SPATS2L: variants seen among roughly 807,000 people sequenced by gnomAD.
SPATS2L encodes the protein SPATS2-like protein.
Under a neutral mutation model 59.6 loss-of-function variants are expected in SPATS2L, and 30 were observed. The ratio of observed to expected loss-of-function variants is 0.50; its 90% CI spans 0.38 to 0.68. The LOEUF is 0.68. Among genes scored for constraint, SPATS2L ranks in the 30% least tolerant of loss-of-function variants. The pLI is 0.00. For synonymous variants in SPATS2L, 252 were observed against 263.5 expected (o/e 0.96, Z 0.42); for missense variants, 615 against 700.0 (o/e 0.88, Z 1.37).
intron 8 of SPATS2L, among the ~76,000 whole-genome samples, chr2:200,452,511 TTTA>T (rs578074673): frequency 1.4e-3 from 210 of 152,340 alleles, no homozygotes; most frequent in Admixed American, 2.6e-3. Context: ...TGATGAACAA[TTTA>T]TTAACCATGA....
chr2:200,453,800 T>C (rs1431178088), intron 8 of SPATS2L, among the ~76,000 whole-genome samples: 3 of 152,210 alleles, frequency 2.0e-5, no homozygotes, highest in Admixed American at 6.5e-5. Flanking sequence ...CTCTTTTCTT[T>C]TTAGTGAAAG....
intron 6 of SPATS2L, among the ~76,000 whole-genome samples, chr2:200,428,741 C>T (rs1437264439): frequency 2.0e-5 from 3 of 152,280 alleles, no homozygotes; most frequent in Non-Finnish European, 4.4e-5. Flanking sequence ...GATCCTAGTG[C>T]ACCACCTATC....
chr2:200,308,975 T>C lies in SPATS2L; in HGVS notation c.-73+2053T>C, dbSNP rs915232559. The C allele has an allele frequency of 9.8e-6, 7 of 712,858 alleles. No individual in the cohort carries two copies. In the South Asian group the frequency reaches 1.0e-4, roughly 11 times the overall value. 44.2% of individuals were successfully genotyped at this position (712,858 alleles called of 1,614,324 possible). A position where few individuals can be genotyped will look rare whatever the true frequency, so the allele number is the denominator to read the frequency against. On this transcript the variant is annotated intron_variant, in intron 1 of 12. Transcript: ENST00000409140. Reference sequence around the variant, plus strand: ...ATTGTGGAGAGAGTTATCTGTGGGCTTGAGAAGCTGCTCTGCCACACCAGT... The same window carrying C: ...ATTGTGGAGAGAGTTATCTGTGGGCCTGAGAAGCTGCTCTGCCACACCAGT...
At chr2:200,470,454 C>G (rs1382615953) in intron 11 of SPATS2L, among the ~76,000 whole-genome samples, 1 of 152,208 alleles carries the variant, frequency 6.6e-6, no homozygotes, top group Non-Finnish European at 1.5e-5. Flanking sequence ...AGCCTCCACC[C>G]TCGGTTCTCT....
chr2:200,306,511 C>T (rs1005075758), upstream of SPATS2L: 7 of 1,002,144 alleles, frequency 7.0e-6, no homozygotes, highest in African/African-American at 1.0e-4. Context: ...TCAGAACGTG[C>T]GTGTGAGCGG....
At chr2:200,382,887 G>A (rs1455094931) in intron 2 of SPATS2L, among the ~76,000 whole-genome samples, 1 of 152,056 alleles carries the variant, frequency 6.6e-6, no homozygotes, top group Non-Finnish European at 1.5e-5. Context: ...ATTCCTTAAC[G>A]ACGTAATTTG....
intron 4 of SPATS2L, 60 bp from the exon 5 acceptor site, chr2:200,416,319 G>A: frequency 2.5e-6 from 2 of 804,196 alleles, no homozygotes; most frequent in Non-Finnish European, 3.6e-6. Context: ...AGACAGAGAT[G>A]AATTTTGTGT....
chr2:200,336,298 A>G (rs1031041296), intron 2 of SPATS2L, among the ~76,000 whole-genome samples: 2 of 152,200 alleles, frequency 1.3e-5, no homozygotes, highest in Non-Finnish European at 2.9e-5. Context: ...TCCTGTTCGT[A>G]TTGCCTTGAG....
At chr2:200,349,616 C>A (rs1181987125) in intron 2 of SPATS2L, among the ~76,000 whole-genome samples, 1 of 152,154 alleles carries the variant, frequency 6.6e-6, no homozygotes, top group Non-Finnish European at 1.5e-5. Flanking sequence ...CCAGCCTGGA[C>A]AACAGAGCAA....
intron 2 of SPATS2L, among the ~76,000 whole-genome samples, chr2:200,338,690 A>C (rs938112887): frequency 6.6e-6 from 1 of 152,258 alleles, no homozygotes; most frequent in Non-Finnish European, 1.5e-5. Flanking sequence ...TACCATACTA[A>C]GAATGTCAGT....
At chr2:200,357,017 A>G (rs1003557886) in intron 2 of SPATS2L, among the ~76,000 whole-genome samples, 1 of 152,198 alleles carries the variant, frequency 6.6e-6, no homozygotes, top group African/African-American at 2.4e-5. Context: ...TAAGTTTCCA[A>G]CACATGAACT....
In SPATS2L at chr2:200,477,890, G is replaced by A. The variant is rs769630441; in HGVS notation, c.1536G>A (p.Gln512=). ...ATTCTGAAAAGCCCCGGCGAAGGCA[G>A]CACGCTGCAGACACCTCGGAGGCCA... ...PAHSEKPRRR[Q]HAADTSEARP... Residue 512 remains glutamine (Q), a synonymous_variant, in exon 13 of 13, where the codon CAG becomes CAA. Coordinates refer to ENST00000409140, the MANE Select transcript of SPATS2L (RefSeq NM_001100423.2). 25 of 1,610,214 alleles carry A rather than the reference G, an allele frequency of 1.6e-5. No homozygotes were observed. Among genetic ancestry groups the A allele is most frequent in the Non-Finnish European group, 2.1e-5 (25 of 1,178,346 alleles).
At chr2:200,372,376 G>A (rs1036817480) in intron 2 of SPATS2L, 1 of 158,752 alleles carries the variant, frequency 6.3e-6, no homozygotes, top group African/African-American at 2.4e-5. Context: ...GACACCAAAT[G>A]TAACAGGAAT....
chr2:200,379,215 C>T (rs932477812), intron 2 of SPATS2L, among the ~76,000 whole-genome samples: 4 of 152,148 alleles, frequency 2.6e-5, no homozygotes, highest in African/African-American at 7.2e-5. Flanking sequence ...GATATAAGTT[C>T]GAATCTTAGC....
At position 200,352,311 on chromosome 2, in the gene SPATS2L, TTTTATATATA is replaced by T. The variant is rs1422970045; in HGVS notation, c.-23+22833_-23+22842del. 1.3e-3 allele frequency among the ~76,000 whole-genome samples: 156 copies of T among 121,954 alleles called. 28 individuals carry two copies. The highest frequency in any genetic ancestry group is 4.5e-3 in the African/African-American group (98 of 21,614). 80.0% of individuals were successfully genotyped at this position (121,954 alleles called of 152,430 possible). A position where few individuals can be genotyped will look rare whatever the true frequency, so the allele number is the denominator to read the frequency against. ...GTTTTGAGGCTATATAACCAGCAGT[TTTTATATATA>T]TATATATATATATATATATATATAT... On this transcript the variant is annotated intron_variant, in intron 2 of 12. Transcript: ENST00000409140.
chr2:200,382,720 C>T (rs1030918543), intron 2 of SPATS2L, among the ~76,000 whole-genome samples: 2 of 151,864 alleles, frequency 1.3e-5, no homozygotes, highest in African/African-American at 2.4e-5. Context: ...TCAGTTTCCA[C>T]GTATGTAAAA....
chr2:200,474,996 C>T (rs1457545275), intron 12 of SPATS2L, among the ~76,000 whole-genome samples: 1 of 152,190 alleles, frequency 6.6e-6, no homozygotes, highest in Non-Finnish European at 1.5e-5. Context: ...TTACTCTTCC[C>T]AAGTGGGCCC....
At chr2:200,378,285 G>A in intron 2 of SPATS2L, 1 of 1,002,546 alleles carries the variant, frequency 1.0e-6, no homozygotes, top group Non-Finnish European at 1.2e-6. Context: ...GCCAGTGGGG[G>A]AACAGAGCTT....
intron 8 of SPATS2L, among the ~76,000 whole-genome samples, chr2:200,449,337 T>C (rs1195675893): frequency 6.6e-6 from 1 of 152,182 alleles, no homozygotes; most frequent in Admixed American, 6.5e-5. Flanking sequence ...AAATAGCACC[T>C]CTTATTAATA....
Sources: gnomAD v4.1 joint callset for allele counts (sites outside exome capture counted in the v4.1 genomes callset) on GRCh38, gnomAD v4.1.1 for gene constraint, MANE v1.5 for transcripts, NCBI Gene and HGNC (gene_info 2026-07-23, HGNC 2026-07-21) for gene names.